Variants in HYDIN observed in about 807,000 individuals in gnomAD.
HYDIN encodes HYDIN axonemal central pair apparatus protein.
A neutral mutation model predicts 403.9 loss-of-function variants in HYDIN; 132 were observed. The ratio of observed to expected loss-of-function variants is 0.33; its 90% CI spans 0.28 to 0.38. The LOEUF is 0.38. HYDIN is among the 10% of genes least tolerant of loss of function. HYDIN has a pLI of 1.00. For synonymous variants in HYDIN, 1,202 were observed against 1,891.7 expected (o/e 0.64, Z 9.46); for missense variants, 2,827 against 5,009.5 (o/e 0.56, Z 13.15).
intron 5 of HYDIN, among the ~76,000 whole-genome samples, chr16:71,168,025 A>T (rs908455644): frequency 5.3e-5 from 8 of 152,052 alleles, no homozygotes; most frequent in African/African-American, 1.9e-4. Flanking sequence ...GTACAATAAA[A>T]GTATACATCC....
chr16:71,055,953 C>A (rs529743252), intron 18 of HYDIN, among the ~76,000 whole-genome samples: 1 of 152,222 alleles, frequency 6.6e-6, no homozygotes, highest in East Asian at 1.9e-4. Flanking sequence ...TGTCCTCCAG[C>A]CCAGTGCTGA....
intron 47 of HYDIN, among the ~76,000 whole-genome samples, chr16:70,916,042 C>T (rs1421511017): frequency 6.6e-6 from 1 of 152,234 alleles, no homozygotes; most frequent in Non-Finnish European, 1.5e-5. Context: ...GCAAGCAGGG[C>T]TGAGAACTTG....
At chr16:71,079,218 T>A in intron 13 of HYDIN, among the ~76,000 whole-genome samples, 1 of 152,212 alleles carries the variant, frequency 6.6e-6, no homozygotes, top group Non-Finnish European at 1.5e-5. Context: ...TAAGGACAGA[T>A]GTTTTTCTTC....
chr16:70,939,642 A>G (rs1007444746), intron 43 of HYDIN, among the ~76,000 whole-genome samples: 3 of 152,224 alleles, frequency 2.0e-5, no homozygotes, highest in African/African-American at 7.2e-5. Flanking sequence ...TTATCCCTTA[A>G]TAAGTGGCAG....
At chr16:70,978,595 A>C (rs1443181037) in intron 30 of HYDIN, among the ~76,000 whole-genome samples, 1 of 152,168 alleles carries the variant, frequency 6.6e-6, no homozygotes, top group African/African-American at 2.4e-5. Context: ...GGATCTCTTA[A>C]AGATGCAAAG....
At chr16:71,105,981 G>C (rs1192668173) in intron 10 of HYDIN, among the ~76,000 whole-genome samples, 1 of 149,256 alleles carries the variant, frequency 6.7e-6, no homozygotes, top group Non-Finnish European at 1.5e-5. Context: ...AAATTATTCA[G>C]TTTCAGATTA....
chr16:71,172,932 CATT>C (rs2086525765), intron 5 of HYDIN, among the ~76,000 whole-genome samples: 1 of 152,296 alleles, frequency 6.6e-6, no homozygotes, highest in East Asian at 1.9e-4. Context: ...TCTAGTCACT[CATT>C]GGCTGCATTC....
chr16:71,107,541 CAT>C lies in HYDIN; in HGVS notation c.1327+8153_1327+8154del, dbSNP rs1568164010. Among the ~76,000 whole-genome samples the C allele has an allele frequency of 2.6e-5, 4 of 151,862 alleles. No homozygotes were observed. In the South Asian group the frequency reaches 8.3e-4, roughly 32 times the overall value. ...TGAACAAATACTTTTCAAAAGAAGA[CAT>C]ATATGTGGCCTACAAGCATATGAAA... On this transcript the variant is annotated intron_variant, in intron 10 of 85. Coordinates refer to ENST00000393567, the MANE Select transcript of HYDIN (RefSeq NM_001270974.2).
chr16:71,002,902 T>G (rs2079766601), intron 23 of HYDIN, among the ~76,000 whole-genome samples: 1 of 151,730 alleles, frequency 6.6e-6, no homozygotes, highest in Non-Finnish European at 1.5e-5. Context: ...GGTCTCAAAC[T>G]CCTGACCTTG....
At chr16:71,004,221 G>A (rs2079817299) in intron 23 of HYDIN, among the ~76,000 whole-genome samples, 1 of 151,824 alleles carries the variant, frequency 6.6e-6, no homozygotes, top group Non-Finnish European at 1.5e-5. Flanking sequence ...GGCTGAGGCA[G>A]GAGAATCGCT....
At chr16:70,881,587 G>A (rs768318690) in intron 60 of HYDIN, among the ~76,000 whole-genome samples, 4 of 133,470 alleles carry the variant, frequency 3.0e-5, no homozygotes, top group Admixed American at 7.5e-5. Flanking sequence ...CAGCCTGGGC[G>A]ACAGAGCAAG....
At chr16:71,052,457 T>C (rs1012121624) in intron 18 of HYDIN, among the ~76,000 whole-genome samples, 1 of 151,754 alleles carries the variant, frequency 6.6e-6, no homozygotes, top group African/African-American at 2.4e-5. Context: ...TAGACTTTAC[T>C]TGCATTAGAT....
rs2082781391 is a variant in HYDIN, at chr16:71,081,399, T to C, written c.1671-1447A>G. ...TCTGAAGTGATTTTAAAGGGAGTGG[T>C]TGGGACTCAGCCAGGAATTGGGATC... On this transcript the variant is annotated intron_variant, in intron 12 of 85. Coordinates refer to ENST00000393567, the MANE Select transcript of HYDIN (RefSeq NM_001270974.2). Among the ~76,000 whole-genome samples, 2 of 151,314 alleles carry C rather than the reference T, an allele frequency of 1.3e-5. 1 individual carries two copies. Among genetic ancestry groups the C allele is most frequent in the South Asian group, 4.2e-4 (2 of 4,762 alleles).
chr16:71,230,712 G>T lies in HYDIN; in HGVS notation c.-174C>A. The T allele has an allele frequency of 2.6e-6, 4 of 1,535,968 alleles. No individual in the cohort carries two copies. The East Asian group carries it at 9.8e-5, about 38-fold the overall frequency. ...TGCGCCGCCCGAGCTGTTGCCGTCC[G>T]TTGCCACGGTAACCACGGAGCCGCA... On this transcript the variant is annotated 5_prime_UTR_variant, in exon 1 of 86. Transcript: ENST00000393567.
intron 15 of HYDIN, chr16:71,066,614 T>G (rs112213893): frequency 4.2e-6 from 1 of 240,426 alleles, no homozygotes; most frequent in Non-Finnish European, 8.4e-6. Context: ...AGGATTTTAT[T>G]TGGGATCACA....
At position 71,129,803 on chromosome 16, in the gene HYDIN, T is replaced by C; in HGVS notation, c.1064A>G (p.Lys355Arg). The change falls in exon 9 of 86, where the codon AAA (lysine) becomes AGA (arginine). Residue 355 changes from lysine (K) to arginine (R), a missense_variant. Transcript: ENST00000393567. ...CTCATCAGTCTCATCCTTCTCCTCT[T>C]TGATCAGATCATCACAGGCCCTAAA... The part of the protein sequence containing the change: ...EKYRACDDLI[K>R]EEKDETDEFF... 1 of 1,611,976 alleles carries C rather than the reference T, an allele frequency of 6.2e-7. No individual in the cohort carries two copies. The highest frequency in any genetic ancestry group is 8.5e-7 in the Non-Finnish European group (1 of 1,178,928).
chr16:71,023,083 A>G (rs1232596388), intron 21 of HYDIN, among the ~76,000 whole-genome samples: 1 of 152,224 alleles, frequency 6.6e-6, no homozygotes, highest in African/African-American at 2.4e-5. Context: ...CATTCAGGGA[A>G]AATACAATGC....
At chr16:71,186,684 G>A (rs2087167111) in intron 2 of HYDIN, 77 bp downstream of exon 2, 5 of 1,176,530 alleles carry the variant, frequency 4.2e-6, no homozygotes, top group South Asian at 1.5e-5. Flanking sequence ...GGCATTCTGA[G>A]AATGCCAAGT....
At chr16:71,093,698 G>A in intron 11 of HYDIN, 119 bp downstream of exon 11, 2 of 1,082,986 alleles carry the variant, frequency 1.8e-6, no homozygotes, top group Non-Finnish European at 2.5e-6. Flanking sequence ...CAACAAGGAT[G>A]AGTAACGGCG....
Sources: gnomAD v4.1 joint callset for allele counts (sites outside exome capture counted in the v4.1 genomes callset) on GRCh38, gnomAD v4.1.1 for gene constraint, MANE v1.5 for transcripts, NCBI Gene and HGNC (gene_info 2026-07-23, HGNC 2026-07-21) for gene names.